Variants in RASGRF2 observed in about 807,000 individuals in gnomAD.
RASGRF2 encodes the protein ras-specific guanine nucleotide-releasing factor 2.
RASGRF2 carries 76 observed loss-of-function variants against 151.0 expected under a neutral mutation model. That is an observed-to-expected ratio of 0.50 (90% CI 0.42 to 0.61). The LOEUF is 0.61. RASGRF2 is among the 20% of genes least tolerant of loss of function. The pLI, the probability that RASGRF2 is intolerant of heterozygous loss-of-function variation, is 0.00. For synonymous variants in RASGRF2, 504 were observed against 566.5 expected, an observed-to-expected ratio of 0.89 and a Z score of 1.57; for missense variants, 1,148 against 1,564.6, an observed-to-expected ratio of 0.73 and a Z score of 4.49.
Position 81,094,947 on chromosome 5 carries a change from A to G in RASGRF2, c.1710A>G (p.Ala570=). The G allele has an allele frequency of 6.3e-7, 1 of 1,597,018 alleles. No individual in the cohort carries two copies. Among genetic ancestry groups the G allele is most frequent in the Non-Finnish European group, 8.5e-7 (1 of 1,170,984 alleles). The change falls in exon 12 of 27, where the codon GCA becomes GCG. Residue 570 remains alanine (A), a synonymous_variant. Transcript: ENST00000265080. ...DAAAFTVVLL[A]PSRQEKAAWM... is the part of the protein sequence containing the mutation. ...CCGCCTTCACTGTTGTCTTGTTAGC[A>G]CCCTCACGCCAGGAGAAAGCTGCCT...
chr5:81,128,777 A>T (rs1433822063), intron 17 of RASGRF2, among the ~76,000 whole-genome samples: 1 of 152,206 alleles, frequency 6.6e-6, no homozygotes, highest in Non-Finnish European at 1.5e-5. Context: ...TAATAGATAA[A>T]AATTATATTC....
At chr5:81,158,775 C>T (rs1754317621) in intron 17 of RASGRF2, among the ~76,000 whole-genome samples, 1 of 152,120 alleles carries the variant, frequency 6.6e-6, no homozygotes, top group African/African-American at 2.4e-5. Context: ...ATAAAATTGA[C>T]AGATGGTGAC....
intron 1 of RASGRF2, among the ~76,000 whole-genome samples, chr5:81,021,772 GAGA>G (rs1749834800): frequency 6.6e-6 from 1 of 152,196 alleles, no homozygotes; most frequent in African/African-American, 2.4e-5. Context: ...GGATATAGCA[GAGA>G]AGGAGTTTAA....
intron 2 of RASGRF2, among the ~76,000 whole-genome samples, chr5:81,056,452 T>G (rs1221796990): frequency 1.3e-5 from 2 of 152,382 alleles, no homozygotes; most frequent in East Asian, 1.9e-4. Flanking sequence ...GTGAGTTTCT[T>G]AATCCTGAGT....
chr5:81,181,721 A>G (rs1561248645), intron 18 of RASGRF2, among the ~76,000 whole-genome samples: 1 of 152,122 alleles, frequency 6.6e-6, no homozygotes, highest in Non-Finnish European at 1.5e-5. Context: ...GTAGCTTTGC[A>G]TCTTAGATAA....
At chr5:81,097,380 C>G (rs1181268282) in intron 12 of RASGRF2, among the ~76,000 whole-genome samples, 1 of 152,100 alleles carries the variant, frequency 6.6e-6, no homozygotes. Flanking sequence ...ATATGCCTGG[C>G]ACTGTTCTAG....
At chr5:81,039,240 TTC>T (rs1750606782) in intron 1 of RASGRF2, among the ~76,000 whole-genome samples, 1 of 152,134 alleles carries the variant, frequency 6.6e-6, no homozygotes, top group African/African-American at 2.4e-5. Flanking sequence ...TTTTCCAACT[TTC>T]TGATAGGCTT....
intron 1 of RASGRF2, among the ~76,000 whole-genome samples, chr5:81,021,923 T>C (rs1029247722): frequency 3.3e-5 from 5 of 152,036 alleles, no homozygotes; most frequent in African/African-American, 1.2e-4. Context: ...GTGAGAGAAG[T>C]CATGGGACAG....
intron 1 of RASGRF2, among the ~76,000 whole-genome samples, chr5:81,006,986 C>G (rs1176045353): frequency 6.6e-6 from 1 of 152,084 alleles, no homozygotes; most frequent in Non-Finnish European, 1.5e-5. Context: ...TTTACTAACC[C>G]CCTAAAATAA....
chr5:81,155,153 T>G (rs7712278), intron 17 of RASGRF2, among the ~76,000 whole-genome samples: 3 of 151,910 alleles, frequency 2.0e-5, no homozygotes, highest in Non-Finnish European at 4.4e-5. Context: ...TGGGATTCAG[T>G]TAAGTAGTGT....
intron 2 of RASGRF2, among the ~76,000 whole-genome samples, chr5:81,064,332 A>G (rs550701042): frequency 6.6e-6 from 1 of 152,346 alleles, no homozygotes; most frequent in African/African-American, 2.4e-5. Flanking sequence ...AAAGCAAACC[A>G]GCAAGACAGC....
intron 9 of RASGRF2, chr5:81,088,498 T>G (rs1415767992): frequency 6.6e-6 from 1 of 152,212 alleles, no homozygotes; most frequent in African/African-American, 2.4e-5. Context: ...TTACCTTGTC[T>G]AGTATGATGC....
intron 1 of RASGRF2, among the ~76,000 whole-genome samples, chr5:81,003,262 G>T (rs12153146): frequency 1.5e-5 from 2 of 133,966 alleles, no homozygotes; most frequent in South Asian, 2.4e-4. Flanking sequence ...TCACTCTGTC[G>T]CCCAGGCTGG....
chr5:81,153,773 A>G (rs939995813), intron 17 of RASGRF2, among the ~76,000 whole-genome samples: 6 of 152,198 alleles, frequency 3.9e-5, no homozygotes, highest in African/African-American at 9.6e-5. Flanking sequence ...AATATTGTCA[A>G]ACCATATAAA....
At chr5:81,087,543 G>T in intron 9 of RASGRF2, 1 of 585,494 alleles carries the variant, frequency 1.7e-6, no homozygotes, top group Middle Eastern at 3.4e-4. Context: ...GGCATCACTC[G>T]ATAAATTAAG....
intron 22 of RASGRF2, among the ~76,000 whole-genome samples, chr5:81,210,857 A>G (rs1489847945): frequency 6.6e-6 from 1 of 152,084 alleles, no homozygotes; most frequent in African/African-American, 2.4e-5. Context: ...TTTAAGACTC[A>G]ATGCAAGGCT....
intron 1 of RASGRF2, among the ~76,000 whole-genome samples, chr5:81,016,152 G>A (rs1345050172): frequency 6.6e-6 from 1 of 152,130 alleles, no homozygotes; most frequent in Admixed American, 6.6e-5. Context: ...TAGATCAAAT[G>A]TTATCTTCCA....
chr5:81,040,310 A>AT (rs1750640446), intron 1 of RASGRF2, among the ~76,000 whole-genome samples: 1 of 152,096 alleles, frequency 6.6e-6, no homozygotes, highest in Non-Finnish European at 1.5e-5. Context: ...TGCTTAATTT[A>AT]TTTTTTTAAG....
intron 12 of RASGRF2, among the ~76,000 whole-genome samples, chr5:81,097,854 G>A (rs1401529378): frequency 2.0e-5 from 3 of 152,168 alleles, no homozygotes; most frequent in Non-Finnish European, 4.4e-5. Flanking sequence ...CCAATGAAAG[G>A]GGCTTTGGCT....
Sources: gnomAD v4.1 joint callset for allele counts (sites outside exome capture counted in the v4.1 genomes callset) on GRCh38, gnomAD v4.1.1 for gene constraint, MANE v1.5 for transcripts, NCBI Gene and HGNC (gene_info 2026-07-23, HGNC 2026-07-21) for gene names.